FUT8: variants seen among roughly 807,000 people sequenced by gnomAD.
FUT8 encodes the protein alpha-(1,6)-fucosyltransferase.
FUT8 carries 29 observed loss-of-function variants against 71.3 expected under a neutral mutation model. That is an observed-to-expected ratio of 0.41 (90% CI 0.30 to 0.55). The LOEUF is 0.55. FUT8 is among the 20% of genes least tolerant of loss of function. The probability of loss-of-function intolerance (pLI) is 0.34; values close to 1 mark genes in which losing one functional copy is unlikely to be tolerated. For missense variants in FUT8, 544 were observed against 702.1 expected (o/e 0.77, Z 2.55); for synonymous variants, 254 against 239.3 (o/e 1.06, Z -0.57).
chr14:65,572,843 T>C (rs947994022), intron 3 of FUT8, among the ~76,000 whole-genome samples: 7 of 152,160 alleles, frequency 4.6e-5, no homozygotes, highest in African/African-American at 1.7e-4. Flanking sequence ...TTCACTATTA[T>C]AGCTAGAGAC....
chr14:65,431,234 T>G (rs2065468923), intron 1 of FUT8, among the ~76,000 whole-genome samples: 1 of 145,078 alleles, frequency 6.9e-6, no homozygotes, highest in African/African-American at 2.5e-5. Flanking sequence ...ACTCCCAACC[T>G]CAGGTGATCC....
intron 2 of FUT8, among the ~76,000 whole-genome samples, chr14:65,557,127 T>C (rs1311837544): frequency 6.6e-6 from 1 of 152,208 alleles, no homozygotes; most frequent in African/African-American, 2.4e-5. Context: ...AGTCTCCTTA[T>C]CTTACTGATA....
At chr14:65,372,609 G>T in the FUT8 span, among the ~76,000 whole-genome samples, 2 of 152,002 alleles carry the variant, frequency 1.3e-5, no homozygotes, top group Admixed American at 6.6e-5. Flanking sequence ...TAGAGACGGG[G>T]TTTCACCATG....
intron 7 of FUT8, among the ~76,000 whole-genome samples, chr14:65,697,457 CT>C (rs953876135): frequency 4.6e-5 from 7 of 152,138 alleles, no homozygotes; most frequent in Admixed American, 4.6e-4. Context: ...TCTCTTCCCC[CT>C]GGTGGGTTAG....
At chr14:65,606,613 A>G (rs139952855) in intron 3 of FUT8, among the ~76,000 whole-genome samples, 1 of 152,028 alleles carries the variant, frequency 6.6e-6, no homozygotes, top group African/African-American at 2.4e-5. Flanking sequence ...CCTGTGTCAT[A>G]TGCTAAGATC....
chr14:65,452,761 G>T (rs1416777758), intron 1 of FUT8, among the ~76,000 whole-genome samples: 1 of 152,158 alleles, frequency 6.6e-6, no homozygotes, highest in African/African-American at 2.4e-5. Flanking sequence ...TTAGGAGTAG[G>T]GCCTGAATCC....
chr14:65,443,409 CAA>C (rs71126747), intron 1 of FUT8, among the ~76,000 whole-genome samples: 4 of 136,104 alleles, frequency 2.9e-5, no homozygotes, highest in Non-Finnish European at 1.6e-5. Context: ...GACTCCATCT[CAA>C]AAAAAAAAAA....
chr14:65,626,787 A>T (rs1469524701), intron 5 of FUT8, among the ~76,000 whole-genome samples: 1 of 152,222 alleles, frequency 6.6e-6, no homozygotes, highest in Non-Finnish European at 1.5e-5. Flanking sequence ...AGTCATTGTA[A>T]GTGATTTCTA....
chr14:65,514,809 A>G (rs938478236), intron 2 of FUT8, among the ~76,000 whole-genome samples: 1 of 152,130 alleles, frequency 6.6e-6, no homozygotes, highest in Non-Finnish European at 1.5e-5. Flanking sequence ...GCACCCACTA[A>G]CTGGTCATCA....
chr14:65,521,538 T>A (rs571131435), intron 2 of FUT8, among the ~76,000 whole-genome samples: 1 of 152,304 alleles, frequency 6.6e-6, no homozygotes, highest in East Asian at 1.9e-4. Context: ...AAGGTGATAG[T>A]TGAGTGATGC....
the FUT8 span, among the ~76,000 whole-genome samples, chr14:65,387,616 T>C: frequency 6.6e-6 from 1 of 152,228 alleles, no homozygotes; most frequent in Admixed American, 6.5e-5. Context: ...TCCGCCTCTC[T>C]GAATTCTCAA....
At position 65,662,728 on chromosome 14, in the gene FUT8, A is replaced by G. The variant is rs1414688527; in HGVS notation, c.598-6515A>G. ...AGCCTCATAGTAGCTCTGAGAAAGA[A>G]GGGCGAGTGAACAGGGAGAGGTTGT... On this transcript the variant is annotated intron_variant, in intron 6 of 10. Transcript: ENST00000673929. Among the ~76,000 whole-genome samples, 2 of 152,216 alleles carry G rather than the reference A, an allele frequency of 1.3e-5. 1 individual carries two copies. The highest frequency in any genetic ancestry group is 2.9e-5 in the Non-Finnish European group (2 of 68,026).
intron 2 of FUT8, among the ~76,000 whole-genome samples, chr14:65,492,442 C>T (rs1455846021): frequency 6.6e-6 from 1 of 152,194 alleles, no homozygotes; most frequent in Non-Finnish European, 1.5e-5. Flanking sequence ...CAAACACCAA[C>T]CTGTAACCAG....
At chr14:65,365,979 A>G in the FUT8 span, among the ~76,000 whole-genome samples, 2 of 152,128 alleles carry the variant, frequency 1.3e-5, no homozygotes, top group African/African-American at 4.8e-5. Flanking sequence ...CTGGGACTAT[A>G]GGCATGCGCC....
intron 6 of FUT8, among the ~76,000 whole-genome samples, chr14:65,667,497 C>T (rs1318253063): frequency 2.0e-5 from 3 of 152,034 alleles, no homozygotes; most frequent in Non-Finnish European, 4.4e-5. Flanking sequence ...AGGGGAATTA[C>T]AAAACACTGC....
chr14:65,716,066 A>G (rs1895042644), intron 7 of FUT8, among the ~76,000 whole-genome samples: 1 of 152,202 alleles, frequency 6.6e-6, no homozygotes, highest in South Asian at 2.1e-4. Flanking sequence ...TCCTTGTAAT[A>G]CTATCCATGT....
chr14:65,539,713 T>C (rs1428110131), intron 2 of FUT8, among the ~76,000 whole-genome samples: 1 of 152,212 alleles, frequency 6.6e-6, no homozygotes, highest in African/African-American at 2.4e-5. Context: ...GAGGCCTGAA[T>C]GAATAAAATA....
intron 2 of FUT8, among the ~76,000 whole-genome samples, chr14:65,495,149 C>T (rs118165381): frequency 0.02 from 2,877 of 147,350 alleles, 38 homozygotes; most frequent in Non-Finnish European, 0.028. Context: ...TAGTTTCATT[C>T]CTCAGGCAGG....
chr14:65,522,324 A>G (rs1379045473), intron 2 of FUT8, among the ~76,000 whole-genome samples: 1 of 152,056 alleles, frequency 6.6e-6, no homozygotes, highest in African/African-American at 2.4e-5. Flanking sequence ...TTTCTCATTA[A>G]TCTTCTAATT....
Sources: gnomAD v4.1 joint callset for allele counts (sites outside exome capture counted in the v4.1 genomes callset) on GRCh38, gnomAD v4.1.1 for gene constraint, MANE v1.5 for transcripts, NCBI Gene and HGNC (gene_info 2026-07-23, HGNC 2026-07-21) for gene names.